The following REDIC1 variants were observed in gnomAD, a reference collection of about 807,000 sequenced individuals.
REDIC1 encodes the protein regulator of DNA class I crossover intermediates 1.
At chr12:39,727,747 A>G in the REDIC1 span, among the ~76,000 whole-genome samples, 4 of 152,252 alleles carry the variant, frequency 2.6e-5, no homozygotes, top group South Asian at 2.1e-4. Context: ...TTTGGGCAGT[A>G]TGGCCATTTT....
the REDIC1 span, among the ~76,000 whole-genome samples, chr12:39,898,003 A>T: frequency 6.6e-6 from 1 of 152,160 alleles, no homozygotes; most frequent in Non-Finnish European, 1.5e-5. Context: ...AGATGTTATC[A>T]GTTATTATTA....
chr12:39,876,455 G>C, the REDIC1 span, among the ~76,000 whole-genome samples: 1 of 152,072 alleles, frequency 6.6e-6, no homozygotes, highest in Non-Finnish European at 1.5e-5. Flanking sequence ...TTGCATTATA[G>C]AATTAACAGT....
At chr12:39,747,462 A>G in the REDIC1 span, among the ~76,000 whole-genome samples, 1 of 152,230 alleles carries the variant, frequency 6.6e-6, no homozygotes, top group African/African-American at 2.4e-5. Context: ...GGTGTACCTG[A>G]AAGTGATGGG....
chr12:39,797,744 A>ACGCG, the REDIC1 span, among the ~76,000 whole-genome samples: 3 of 150,334 alleles, frequency 2.0e-5, no homozygotes, highest in Admixed American at 6.6e-5. Flanking sequence ...ACACACACAC[A>ACGCG]CACACACACA....
At chr12:39,728,596 C>T in the REDIC1 span, among the ~76,000 whole-genome samples, 4 of 152,024 alleles carry the variant, frequency 2.6e-5, no homozygotes, top group South Asian at 8.3e-4. Flanking sequence ...GGCATATTGG[C>T]CTGAAATTTT....
the REDIC1 span, among the ~76,000 whole-genome samples, chr12:39,811,445 A>G: frequency 9.3e-4 from 142 of 152,082 alleles, no homozygotes; most frequent in Non-Finnish European, 1.7e-3. Context: ...CTTATTTTAA[A>G]GTATAAGTTT....
the REDIC1 span, among the ~76,000 whole-genome samples, chr12:39,745,348 A>G: frequency 6.6e-6 from 1 of 152,200 alleles, no homozygotes; most frequent in African/African-American, 2.4e-5. Flanking sequence ...AAAATAAACA[A>G]TAAAGGGTAC....
the REDIC1 span, among the ~76,000 whole-genome samples, chr12:39,865,249 G>A: frequency 6.6e-6 from 1 of 152,178 alleles, no homozygotes; most frequent in African/African-American, 2.4e-5. Context: ...CAAGAAGCAC[G>A]AAAGACAATA....
chr12:39,784,033 T>C, the REDIC1 span, among the ~76,000 whole-genome samples: 1 of 152,146 alleles, frequency 6.6e-6, no homozygotes, highest in African/African-American at 2.4e-5. Flanking sequence ...GTGAAGGACC[T>C]CTTCAAGGAG....
At chr12:39,660,556 G>A in the REDIC1 span, among the ~76,000 whole-genome samples, 1 of 151,598 alleles carries the variant, frequency 6.6e-6, no homozygotes, top group African/African-American at 2.4e-5. Flanking sequence ...ATATTACTGG[G>A]GTACATGTGG....
At chr12:39,696,596 C>A in the REDIC1 span, among the ~76,000 whole-genome samples, 2 of 130,984 alleles carry the variant, frequency 1.5e-5, no homozygotes, top group African/African-American at 5.8e-5. Context: ...CACCAAGGAC[C>A]AACCCTGAAG....
chr12:39,751,916 G>T, the REDIC1 span, among the ~76,000 whole-genome samples: 16 of 152,282 alleles, frequency 1.1e-4, no homozygotes, highest in African/African-American at 3.8e-4. Context: ...ATGGGGAGAA[G>T]GGGGAGGGAA....
chr12:39,891,819 C>T, the REDIC1 span, among the ~76,000 whole-genome samples: 2 of 152,168 alleles, frequency 1.3e-5, no homozygotes, highest in African/African-American at 2.4e-5. Flanking sequence ...CAGTCTTTTC[C>T]AGGCATTCAG....
the REDIC1 span, among the ~76,000 whole-genome samples, chr12:39,838,178 C>T: frequency 6.7e-6 from 1 of 150,332 alleles, no homozygotes; most frequent in African/African-American, 2.5e-5. Flanking sequence ...AGGATGAGTT[C>T]ATGTCCTTTG....
chr12:39,677,330 C>T, the REDIC1 span, among the ~76,000 whole-genome samples: 1 of 151,942 alleles, frequency 6.6e-6, no homozygotes, highest in African/African-American at 2.4e-5. Flanking sequence ...AAAGCAAAAA[C>T]AGTTAAAAAA....
the REDIC1 span, among the ~76,000 whole-genome samples, chr12:39,685,583 T>G: frequency 3.9e-5 from 6 of 152,158 alleles, no homozygotes; most frequent in African/African-American, 7.2e-5. Flanking sequence ...CTCAGGATTA[T>G]AATTTGACAT....
At chr12:39,644,008 G>A in the REDIC1 span, 1 of 1,049,388 alleles carries the variant, frequency 9.5e-7, no homozygotes, top group South Asian at 1.9e-5. Context: ...TGAGCTCAAA[G>A]CATGTGGAAA....
the REDIC1 span, among the ~76,000 whole-genome samples, chr12:39,642,264 A>T: frequency 6.6e-6 from 1 of 151,662 alleles, no homozygotes; most frequent in Non-Finnish European, 1.5e-5. Flanking sequence ...TATGGGACAA[A>T]CTTCTTCAAC....
At chr12:39,690,214 G>A in the REDIC1 span, among the ~76,000 whole-genome samples, 1 of 152,176 alleles carries the variant, frequency 6.6e-6, no homozygotes, top group East Asian at 1.9e-4. Flanking sequence ...AGAGACATAC[G>A]GGCTAAAACA....
Sources: gnomAD v4.1 joint callset for allele counts (sites outside exome capture counted in the v4.1 genomes callset) on GRCh38, gnomAD v4.1.1 for gene constraint, MANE v1.5 for transcripts, NCBI Gene and HGNC (gene_info 2026-07-23, HGNC 2026-07-21) for gene names.